The following ZFHX3 variants were observed in gnomAD, a reference collection of about 807,000 sequenced individuals.
ZFHX3 encodes zinc finger homeobox 3.
A neutral mutation model predicts 279.1 loss-of-function variants in ZFHX3; 42 were observed. The ratio of observed to expected loss-of-function variants is 0.15; its 90% confidence interval spans 0.12 to 0.19. The LOEUF is 0.19. Among genes scored for constraint, ZFHX3 ranks in the 10% least tolerant of loss-of-function variants. The pLI, the probability that ZFHX3 is intolerant of heterozygous loss-of-function variation, is 1.00. For missense variants in ZFHX3, 4,981 were observed against 4,754.0 expected, an observed-to-expected ratio of 1.05 and a Z score of -1.40; for synonymous variants, 2,293 against 1,957.8, an observed-to-expected ratio of 1.17 and a Z score of -4.52.
Position 72,952,591 on chromosome 16 carries a change from G to A in ZFHX3, c.2720-1626C>T, listed in dbSNP as rs1465560302. The stretch of plus-strand genomic sequence containing the variant: ...TGTGCCAGACAAGAGTGAAAAAAGA[G>A]CGGGACTGCTGCACGTTCAGGAAGT... On this transcript the variant is annotated intron_variant, in intron 2 of 9. Coordinates refer to ENST00000268489, the MANE Select transcript of ZFHX3 (RefSeq NM_006885.4). 3.9e-5 allele frequency among the ~76,000 whole-genome samples: 6 copies of A among 152,310 alleles called. No homozygotes were observed. In the South Asian group the frequency reaches 6.2e-4, roughly 16 times the overall value.
At chr16:73,521,494 G>C (rs1049145049) in intron 2 of ZFHX3, among the ~76,000 whole-genome samples, 1 of 152,142 alleles carries the variant, frequency 6.6e-6, no homozygotes, top group East Asian at 1.9e-4. Context: ...CAGACAGGGC[G>C]GGCAGGGTAG....
At chr16:73,010,540 G>C (rs548706867) in intron 1 of ZFHX3, among the ~76,000 whole-genome samples, 20 of 152,128 alleles carry the variant, frequency 1.3e-4, no homozygotes, top group South Asian at 4.1e-4. Context: ...CAGAGAGCCC[G>C]GCACACAGCC....
At chr16:73,719,325 G>A (rs984890272) in intron 1 of ZFHX3, among the ~76,000 whole-genome samples, 1 of 152,100 alleles carries the variant, frequency 6.6e-6, no homozygotes, top group African/African-American at 2.4e-5. Context: ...TCTCACGCTG[G>A]CCCAGTTATT....
chr16:72,793,134 G>T lies in ZFHX3; in HGVS notation c.9427+121C>A, dbSNP rs986521359. ...GAACTGAAGTCTTGTTGCTTTTAAA[G>T]AACTAGAAAGGTAAGCTTCCCATCT... On this transcript the variant is annotated intron_variant, in intron 9 of 9. Coordinates refer to ENST00000268489, the MANE Select transcript of ZFHX3 (RefSeq NM_006885.4). The surrounding 1 kb of genome is among the most constrained non-coding windows in gnomAD (Gnocchi z 4.3). The T allele has an allele frequency of 8.8e-6, 13 of 1,482,748 alleles. No homozygotes were observed. The highest frequency in any genetic ancestry group is 4.6e-5 in the Admixed American group (2 of 43,888). 91.8% of individuals were successfully genotyped at this position (1,482,748 alleles called of 1,614,324 possible).
At chr16:72,863,515 G>C (rs922896215) in intron 4 of ZFHX3, among the ~76,000 whole-genome samples, 14 of 148,458 alleles carry the variant, frequency 9.4e-5, no homozygotes, top group African/African-American at 3.7e-4. Context: ...CAGAGAGAGA[G>C]AGAGACAGAG....
chr16:73,655,805 T>G (rs1185903760), intron 2 of ZFHX3, among the ~76,000 whole-genome samples: 1 of 152,188 alleles, frequency 6.6e-6, no homozygotes, highest in Non-Finnish European at 1.5e-5. Context: ...CATTTGACAT[T>G]TAATAGTCAT....
intron 7 of ZFHX3, among the ~76,000 whole-genome samples, chr16:73,124,494 G>C (rs1033728123): frequency 3.9e-5 from 6 of 152,120 alleles, no homozygotes; most frequent in African/African-American, 1.4e-4. Context: ...CCATACCCTA[G>C]AGCGATTCAG....
chr16:73,010,598 T>C (rs1479468202), intron 1 of ZFHX3, among the ~76,000 whole-genome samples: 1 of 152,144 alleles, frequency 6.6e-6, no homozygotes. Context: ...TTACCTCATC[T>C]CAGCCTCCTC....
chr16:73,597,416 T>G (rs2052062334), intron 2 of ZFHX3, among the ~76,000 whole-genome samples: 1 of 152,232 alleles, frequency 6.6e-6, no homozygotes, highest in Admixed American at 6.5e-5. Context: ...AAAATCTGTG[T>G]GTACTGGGTT....
At chr16:73,552,973 A>G (rs1281800914) in intron 2 of ZFHX3, among the ~76,000 whole-genome samples, 1 of 152,174 alleles carries the variant, frequency 6.6e-6, no homozygotes. Flanking sequence ...GAGTATTCCA[A>G]GGAAACTTTA....
chr16:73,860,322 A>G (rs563899170), intron 1 of ZFHX3, among the ~76,000 whole-genome samples: 1 of 152,154 alleles, frequency 6.6e-6, no homozygotes, highest in Admixed American at 6.5e-5. Context: ...TCTGTGCTTC[A>G]TAATTTCTTG....
chr16:73,202,907 CTTTTTT>C (rs10718356), intron 5 of ZFHX3, among the ~76,000 whole-genome samples: 4 of 76,158 alleles, frequency 5.3e-5, no homozygotes, highest in Non-Finnish European at 1.1e-4. Context: ...TTCTTTCTTT[CTTTTTT>C]TTTTTTTTTT....
At chr16:73,110,177 C>T (rs2144797838) in intron 7 of ZFHX3, among the ~76,000 whole-genome samples, 1 of 151,256 alleles carries the variant, frequency 6.6e-6, no homozygotes, top group Middle Eastern at 3.4e-3. Context: ...GCACTCCAGC[C>T]TGGGTGACAG....
chr16:72,802,318 C>T (rs1242976426), intron 7 of ZFHX3, among the ~76,000 whole-genome samples: 1 of 152,076 alleles, frequency 6.6e-6, no homozygotes, highest in Non-Finnish European at 1.5e-5. Context: ...TCTGTTGTCT[C>T]GCTGCGACTT....
intron 3 of ZFHX3, among the ~76,000 whole-genome samples, chr16:73,352,520 C>A (rs1361491006): frequency 7.0e-6 from 1 of 142,854 alleles, no homozygotes; most frequent in Non-Finnish European, 1.5e-5. Flanking sequence ...AGTCTGTCAC[C>A]CAGGCTGGAG....
intron 1 of ZFHX3, among the ~76,000 whole-genome samples, chr16:73,801,053 A>G (rs1305293694): frequency 6.6e-6 from 1 of 152,230 alleles, no homozygotes; most frequent in Admixed American, 6.5e-5. Flanking sequence ...CTGCCTGGAA[A>G]TGAATGCTAC....
chr16:73,705,944 C>G (rs1247675543), intron 1 of ZFHX3, among the ~76,000 whole-genome samples: 1 of 152,026 alleles, frequency 6.6e-6, no homozygotes, highest in African/African-American at 2.4e-5. Context: ...CACAGAGACT[C>G]TTGTAAGGGC....
intron 1 of ZFHX3, among the ~76,000 whole-genome samples, chr16:73,865,422 A>G (rs1184049583): frequency 1.3e-5 from 2 of 151,980 alleles, no homozygotes; most frequent in Non-Finnish European, 2.9e-5. Flanking sequence ...GGCATGAGGC[A>G]CCTCCCTGAA....
rs147962173 is a variant in ZFHX3, at chr16:73,450,891, ATTTTTC to A, written c.-1291+5106_-1291+5111del. 9.0e-3 allele frequency among the ~76,000 whole-genome samples: 1,363 copies of A among 152,116 alleles called. 17 individuals are homozygous for A. The highest frequency in any genetic ancestry group is 0.03 in the African/African-American group (1,263 of 41,496). ...TTAATGTAGTGTATAGAGCATTTTTATTTTTCTTGGCTGCTTTAGCTTTCTGTTGAG... is the reference window on the plus strand; with the variant it reads ...TTAATGTAGTGTATAGAGCATTTTTATTGGCTGCTTTAGCTTTCTGTTGAG... On this transcript the variant is annotated intron_variant, in intron 3 of 17. Coordinates refer to the ZFHX3 transcript ENST00000641206.
Sources: allele counts gnomAD v4.1 joint callset (sites outside exome capture counted in the v4.1 genomes callset), GRCh38; gene constraint gnomAD v4.1.1; non-coding constraint Gnocchi (gnomAD v3.1); transcripts MANE v1.5; gene names NCBI Gene and HGNC (gene_info 2026-07-23, HGNC 2026-07-21).